GJB3: variants seen among roughly 807,000 people sequenced by gnomAD.
The protein encoded by GJB3 is gap junction beta-3 protein.
Under a neutral mutation model 8.1 loss-of-function variants are expected in GJB3, and 6 were observed. The observed-to-expected ratio is 0.75, with a 90% CI of 0.41 to 1.47. The LOEUF (loss-of-function observed/expected upper bound fraction) is 1.47, where lower values mean the gene tolerates loss of function less well. GJB3 is among the 40% of genes most tolerant of loss of function. The probability of loss-of-function intolerance (pLI) is 0.02; values close to 1 mark genes in which losing one functional copy is unlikely to be tolerated. For synonymous variants in GJB3, 137 were observed against 156.4 expected (o/e 0.88, Z 0.93); for missense variants, 348 against 365.6 (o/e 0.95, Z 0.39).
In GJB3 at chr1:34,785,460, C is replaced by A. The variant is rs866796188; in HGVS notation, c.698C>A (p.Ala233Asp). 1.2e-6 allele frequency: 2 copies of A among 1,613,728 alleles called. No homozygotes were observed. The highest frequency in any genetic ancestry group is 3.3e-5 in the Admixed American group (2 of 60,008). ...PRGGCSPSSS[A>D]SRASTCRCHH... ...GGGGGTTGCAGCCCCTCGTCCTCCG[C>A]CAGCCGAGCTTCCACCTGCCGCTGC... is the stretch of plus-strand genomic sequence containing the variant. Residue 233 changes from alanine (A) to aspartate (D), a missense_variant, in exon 2 of 2, where the codon GCC becomes GAC. By Grantham distance (126) the Ala-to-Asp change is moderately radical. Transcript: ENST00000373366. The surrounding 1 kb of genome is among the most constrained non-coding windows in gnomAD (Gnocchi z 4.7).
chr1:34,782,158 C>G (rs1311471966), intron 1 of GJB3: 4 of 152,616 alleles, frequency 2.6e-5, no homozygotes, highest in Admixed American at 6.5e-5. Flanking sequence ...GCGCTGGGAG[C>G]TGGCTTTGGA....
Position 34,785,545 on chromosome 1 carries a change from G to C in GJB3, c.783G>C (p.Gln261His), listed in dbSNP as rs771511736. 5.5e-5 allele frequency: 88 copies of C among 1,614,030 alleles called. No individual in the cohort carries two copies. The highest frequency in any genetic ancestry group is 7.1e-5 in the Non-Finnish European group (84 of 1,180,036). Residue 261 changes from glutamine to histidine, a missense_variant, in exon 2 of 2, where the codon CAG becomes CAC. Coordinates refer to ENST00000373366, the MANE Select transcript of GJB3 (RefSeq NM_024009.3). This position sits in a 1 kb window ranked among gnomAD's most constrained non-coding sequence, Gnocchi z 4.7. ...VDPDPGNNKL[Q>H]ASAPNLTPI ...CAGACCCAGGCAATAACAAGCTGCA[G>C]GCTTCAGCACCCAACCTGACCCCCA...
chr1:34,783,158 G>A (rs1474006623), intron 1 of GJB3, among the ~76,000 whole-genome samples: 1 of 152,190 alleles, frequency 6.6e-6, no homozygotes, highest in African/African-American at 2.4e-5. Flanking sequence ...TGAGGTAGGA[G>A]GCTCCCTTGA....
chr1:34,785,407 G>T lies in GJB3; in HGVS notation c.645G>T (p.Leu215=). ...ELCYLICHRV[L]RGLHKDKPRG... ...GCTACCTCATCTGCCACAGGGTCCTGCGAGGCCTGCACAAGGACAAGCCTC... is the reference window on the plus strand; with the variant it reads ...GCTACCTCATCTGCCACAGGGTCCTTCGAGGCCTGCACAAGGACAAGCCTC... The change falls in exon 2 of 2, where the codon CTG becomes CTT. Residue 215 remains leucine, a synonymous_variant. Coordinates refer to ENST00000373366, the MANE Select transcript of GJB3 (RefSeq NM_024009.3). This position sits in a 1 kb window ranked among gnomAD's most constrained non-coding sequence, Gnocchi z 4.7. 1 of 1,614,162 alleles carries T rather than the reference G, an allele frequency of 6.2e-7. No homozygotes were observed. Among genetic ancestry groups the T allele is most frequent in the Non-Finnish European group, 8.5e-7 (1 of 1,180,040 alleles).
In GJB3 at chr1:34,785,664, G is replaced by T; in HGVS notation, c.*89G>T. The T allele has an allele frequency of 9.6e-7, 1 of 1,038,746 alleles. No individual in the cohort carries two copies. Among genetic ancestry groups the T allele is most frequent in the South Asian group, 1.4e-5 (1 of 73,244 alleles). 64.3% of individuals were successfully genotyped at this position (1,038,746 alleles called of 1,614,324 possible). ...TGGAGAGGTCCTACAGGGGCTGAGT[G>T]ACCCCACTCTGAGTTCACTAAGTTA... On this transcript the variant is annotated 3_prime_UTR_variant, in exon 2 of 2. Coordinates refer to ENST00000373366, the MANE Select transcript of GJB3 (RefSeq NM_024009.3). This position sits in a 1 kb window ranked among gnomAD's most constrained non-coding sequence, Gnocchi z 4.7.
chr1:34,784,917 A>G lies in GJB3; in HGVS notation c.155A>G (p.Asp52Gly). 1 of 1,614,058 alleles carries G rather than the reference A, an allele frequency of 6.2e-7. No homozygotes were observed. Residue 52 changes from aspartate (D) to glycine (G), a missense_variant, in exon 2 of 2, where the codon GAC (aspartate) becomes GGC (glycine). Physicochemically the swap from Asp to Gly is moderately conservative, Grantham distance 94 (BLOSUM62 -1). Coordinates refer to ENST00000373366, the MANE Select transcript of GJB3 (RefSeq NM_024009.3). ...TGGGGGGATGAGCAGAAGGACTTTG[A>G]CTGCAACACCAAGCAGCCCGGCTGC... is the stretch of plus-strand genomic sequence containing the variant. ...RVWGDEQKDF[D>G]CNTKQPGCTN...
At chr1:34,784,603 A>T in intron 1 of GJB3, 135 bp from the exon 2 acceptor site, 1 of 675,550 alleles carries the variant, frequency 1.5e-6, no homozygotes, top group African/African-American at 1.8e-5. Context: ...GCTTGGGAGG[A>T]ATAACAGTTC....
chr1:34,783,391 G>A (rs1392622943), intron 1 of GJB3, among the ~76,000 whole-genome samples: 2 of 152,222 alleles, frequency 1.3e-5, no homozygotes, highest in South Asian at 2.1e-4. Context: ...GTGAGGTTCT[G>A]GAGGAAGAGC....
rs562666449 is a variant in GJB3 at position 34,786,312 on chromosome 1, A to C, written c.*737A>C. 2 of 167,442 alleles carry C rather than the reference A, an allele frequency of 1.2e-5. No individual in the cohort carries two copies. Among genetic ancestry groups the C allele is most frequent in the East Asian group, 3.8e-4 (2 of 5,198 alleles). 10.4% of individuals were successfully genotyped at this position (167,442 alleles called of 1,614,324 possible). A position where few individuals can be genotyped will look rare whatever the true frequency, so the allele number is the denominator to read the frequency against. ...CCCAGGGACTTGGGTGGATGCGCTG[A>C]TAGAACATCCTCAAGACAGTTTCCT... On this transcript the variant is annotated 3_prime_UTR_variant, in exon 2 of 2. Transcript: ENST00000373366. The surrounding 1 kb of genome is among the most constrained non-coding windows in gnomAD (Gnocchi z 4.4).
rs1640015170 is a variant in GJB3, at chr1:34,781,834, G to C, written c.-26+56G>C. 6.6e-6 allele frequency: 1 copy of C among 152,352 alleles called. No homozygotes were observed. Among genetic ancestry groups the C allele is most frequent in the South Asian group, 2.1e-4 (1 of 4,840 alleles). The allele number at this position is 152,352 out of a possible 1,614,324, so 9.4% of individuals were successfully genotyped here. On this transcript the variant is annotated intron_variant, in intron 1 of 1. Transcript: ENST00000373366. This position sits in a 1 kb window ranked among gnomAD's most constrained non-coding sequence, Gnocchi z 6.2. ...GGCGGGACCCTCAGGGGCGCCAAGC[G>C]CTCCTGGCGACCCCCTGCGGCAGGG...
rs1489061663 is a variant in GJB3 at position 34,785,436 on chromosome 1, G to A, written c.674G>A (p.Gly225Glu). 1 of 1,614,074 alleles carries A rather than the reference G, an allele frequency of 6.2e-7. No homozygotes were observed. The highest frequency in any genetic ancestry group is 8.5e-7 in the Non-Finnish European group (1 of 1,179,982). The change falls in exon 2 of 2, where the codon GGG (glycine) becomes GAG (glutamate). Residue 225 changes from glycine (G) to glutamate (E), a missense_variant. Physicochemically the swap from Gly to Glu is moderately conservative, Grantham distance 98 (BLOSUM62 -2). Transcript: ENST00000373366. The surrounding 1 kb of genome is among the most constrained non-coding windows in gnomAD (Gnocchi z 4.7). ...LRGLHKDKPR[G>E]GCSPSSSASR... ...GGCCTGCACAAGGACAAGCCTCGAG[G>A]GGGTTGCAGCCCCTCGTCCTCCGCC...
chr1:34,785,888 A>G lies in GJB3; in HGVS notation c.*313A>G. The G allele has an allele frequency of 2.3e-6, 1 of 430,582 alleles. No homozygotes were observed. Among genetic ancestry groups the G allele is most frequent in the Non-Finnish European group, 4.4e-6 (1 of 225,600 alleles). 26.7% of individuals were successfully genotyped at this position (430,582 alleles called of 1,614,324 possible). A position where few individuals can be genotyped will look rare whatever the true frequency, so the allele number is the denominator to read the frequency against. On this transcript the variant is annotated 3_prime_UTR_variant, in exon 2 of 2. Coordinates refer to ENST00000373366, the MANE Select transcript of GJB3 (RefSeq NM_024009.3). This position sits in a 1 kb window ranked among gnomAD's most constrained non-coding sequence, Gnocchi z 4.7. ...CAACCAGGAAGGGATCAACCCAGGA[A>G]GGGATGATCAGGAGAGGCTTCCCTG...
Position 34,785,618 on chromosome 1 carries a change from C to T in GJB3, c.*43C>T, listed in dbSNP as rs41266429. ...GGCAACATGCGGGCTGCCAATGGGA[C>T]ATGCAGGGCGGTGTGGCAGGTGGAG... On this transcript the variant is annotated 3_prime_UTR_variant, in exon 2 of 2. Coordinates refer to ENST00000373366, the MANE Select transcript of GJB3 (RefSeq NM_024009.3). This position sits in a 1 kb window ranked among gnomAD's most constrained non-coding sequence, Gnocchi z 4.7. 10 of 1,517,326 alleles carry T rather than the reference C, an allele frequency of 6.6e-6. No homozygotes were observed. The highest frequency in any genetic ancestry group is 9.1e-6 in the Non-Finnish European group (10 of 1,094,740). The allele number at this position is 1,517,326 out of a possible 1,614,324, so 94.0% of individuals were successfully genotyped here.
At chr1:34,782,814 C>T (rs553002181) in intron 1 of GJB3, among the ~76,000 whole-genome samples, 2 of 151,910 alleles carry the variant, frequency 1.3e-5, no homozygotes, top group Admixed American at 1.3e-4. Context: ...GTCTTTCCCC[C>T]AATCCCCCTG....
At position 34,785,504 on chromosome 1, in the gene GJB3, G is replaced by C. The variant is rs1640098535; in HGVS notation, c.742G>C (p.Ala248Pro). Residue 248 changes from alanine (A) to proline (P), a missense_variant, in exon 2 of 2, where the codon GCT becomes CCT. Physicochemically the swap from Ala to Pro is conservative, Grantham distance 27. Coordinates refer to ENST00000373366, the MANE Select transcript of GJB3 (RefSeq NM_024009.3). The surrounding 1 kb of genome is among the most constrained non-coding windows in gnomAD (Gnocchi z 4.7). ...CCGCTGCCACCACAAGCTGGTGGAG[G>C]CTGGGGAGGTGGATCCAGACCCAGG... ...TCRCHHKLVE[A>P]GEVDPDPGNN... 1.2e-6 allele frequency: 2 copies of C among 1,614,134 alleles called. No homozygotes were observed. Among genetic ancestry groups the C allele is most frequent in the Non-Finnish European group, 1.7e-6 (2 of 1,180,022 alleles).
intron 1 of GJB3, among the ~76,000 whole-genome samples, chr1:34,782,123 T>C (rs1557658449): frequency 2.0e-5 from 3 of 152,074 alleles, no homozygotes; most frequent in South Asian, 2.1e-4. Flanking sequence ...CACAGTACAG[T>C]CTGGGGGTCA....
intron 1 of GJB3, 60 bp from the exon 2 acceptor site, chr1:34,784,678 T>A: frequency 1.8e-6 from 2 of 1,093,216 alleles, no homozygotes; most frequent in Admixed American, 3.9e-5. Context: ...TGGTACATAG[T>A]AAATGCTCAA....
chr1:34,784,626 G>A, intron 1 of GJB3, 112 bp from the exon 2 acceptor site: 1 of 732,372 alleles, frequency 1.4e-6, no homozygotes, highest in South Asian at 1.6e-5. Context: ...AACTCAGAGG[G>A]TCGTTGTGAG....
At position 34,785,329 on chromosome 1, in the gene GJB3, C is replaced by T. The variant is rs61732307; in HGVS notation, c.567C>T (p.Tyr189=). ...CTACCGAGAAGAAAATCTTCACCTA[C>T]TTCATGGTGGGCGCCTCCGCCGTCT... ...ARPTEKKIFT[Y]FMVGASAVCI... is the part of the protein sequence containing the mutation. The change falls in exon 2 of 2, where the codon TAC becomes TAT. Residue 189 remains tyrosine, a synonymous_variant. Coordinates refer to ENST00000373366, the MANE Select transcript of GJB3 (RefSeq NM_024009.3). The surrounding 1 kb of genome is among the most constrained non-coding windows in gnomAD (Gnocchi z 4.7). 6,929 of 1,614,004 alleles carry T rather than the reference C, an allele frequency of 4.3e-3. 220 individuals carry two copies. In the African/African-American group the frequency reaches 0.071, roughly 16 times the overall value.
Sources: allele counts gnomAD v4.1 joint callset (sites outside exome capture counted in the v4.1 genomes callset), GRCh38; gene constraint gnomAD v4.1.1; non-coding constraint Gnocchi (gnomAD v3.1); transcripts MANE v1.5; gene names NCBI Gene and HGNC (gene_info 2026-07-23, HGNC 2026-07-21).